KLC4: variants seen among roughly 807,000 people sequenced by gnomAD.
KLC4 encodes kinesin-like protein 8.
A neutral mutation model predicts 77.2 loss-of-function variants in KLC4; 49 were observed. The observed-to-expected ratio is 0.63, with a 90% CI of 0.50 to 0.80. The LOEUF is 0.80. Ranked by LOEUF, KLC4 falls within the 30% of genes least tolerant of loss-of-function variation. The pLI is 0.00. For synonymous variants in KLC4, 274 were observed against 314.5 expected, an observed-to-expected ratio of 0.87 and a Z score of 1.36; for missense variants, 669 against 793.5, an observed-to-expected ratio of 0.84 and a Z score of 1.89.
At chr6:43,059,921 A>G in intron 1 of KLC4, 1 of 1,270,464 alleles carries the variant, frequency 7.9e-7, no homozygotes, top group East Asian at 3.9e-5. Context: ...TTAGGCCTCC[A>G]CGTCCTCGCT....
chr6:43,071,371 G>A lies in KLC4; in HGVS notation c.1252G>A (p.Asp418Asn). ...RAHVQEFGSV[D>N]DDHKPIWMHA... ...CCATGTACAGGAGTTTGGGTCTGTGGATGGTGAGTGGTGAGGGCCTGGGGA... is the reference window on the plus strand; with the variant it reads ...CCATGTACAGGAGTTTGGGTCTGTGAATGGTGAGTGGTGAGGGCCTGGGGA... Residue 418 changes from aspartate (D) to asparagine (N), a missense_variant, in exon 9 of 16, where the codon GAT becomes AAT. Transcript: ENST00000347162. 2 of 1,610,084 alleles carry A rather than the reference G, an allele frequency of 1.2e-6. No homozygotes were observed. The highest frequency in any genetic ancestry group is 1.7e-6 in the Non-Finnish European group (2 of 1,176,376).
chr6:43,071,633 A>C lies in KLC4; in HGVS notation c.1308+14A>C. On this transcript the variant is annotated intron_variant, in intron 10 of 15. Transcript: ENST00000347162. ...GAAATGAGCAAAGTGAGTGGGGGGA[A>C]GGGGGGCCAGCCTGGGGAGCTCAAG... The C allele has an allele frequency of 6.2e-7, 1 of 1,612,664 alleles. No homozygotes were observed. Among genetic ancestry groups the C allele is most frequent in the East Asian group, 2.2e-5 (1 of 44,866 alleles).
In KLC4 at chr6:43,068,285, A is replaced by G. The variant is rs181967463; in HGVS notation, c.879+1202A>G. ...TCAGGAGTTCAAGACCATCCTGGCC[A>G]ACATGGTGAAACCCCGTCTCTACTA... On this transcript the variant is annotated intron_variant, in intron 6 of 15. Coordinates refer to ENST00000347162, the MANE Select transcript of KLC4 (RefSeq NM_201521.3). Among the ~76,000 whole-genome samples, 301 of 151,210 alleles carry G rather than the reference A, an allele frequency of 2.0e-3. 1 individual carries two copies. Among genetic ancestry groups the G allele is most frequent in the Non-Finnish European group, 3.0e-3 (202 of 67,868 alleles).
chr6:43,070,862 C>T lies in KLC4; in HGVS notation c.1152C>T (p.Asn384=). 6.3e-7 allele frequency: 1 copy of T among 1,591,594 alleles called. No individual in the cohort carries two copies. Among genetic ancestry groups the T allele is most frequent in the South Asian group, 1.1e-5 (1 of 90,204 alleles). The change falls in exon 8 of 16, where the codon AAC becomes AAT. Residue 384 remains asparagine, a synonymous_variant. Coordinates refer to ENST00000347162, the MANE Select transcript of KLC4 (RefSeq NM_201521.3). The part of the protein sequence containing the change: ...DNPNVARTKN[N]LASCYLKQGK... Reference sequence around the variant, plus strand: ...CTAATGTAGCCCGGACCAAGAACAACCTGGTATGGGAGGAGGGACAAAGTA... The same window carrying T: ...CTAATGTAGCCCGGACCAAGAACAATCTGGTATGGGAGGAGGGACAAAGTA...
intron 3 of KLC4, among the ~76,000 whole-genome samples, chr6:43,065,045 G>A (rs1209387876): frequency 6.6e-6 from 1 of 152,106 alleles, no homozygotes; most frequent in African/African-American, 2.4e-5. Flanking sequence ...AGGCAAGATT[G>A]AGGGTGGTTA....
At chr6:43,074,135 A>G (rs1439446732) in intron 15 of KLC4, among the ~76,000 whole-genome samples, 170 bp downstream of exon 15, 1 of 152,208 alleles carries the variant, frequency 6.6e-6, no homozygotes, top group Non-Finnish European at 1.5e-5. Flanking sequence ...GTGAGTGCTG[A>G]CCACCAAGGG....
At chr6:43,060,261 A>C (rs1472465426) in intron 1 of KLC4, 15 of 1,614,012 alleles carry the variant, frequency 9.3e-6, no homozygotes, top group Non-Finnish European at 1.2e-5. Context: ...CCCCTTTCCC[A>C]GACACGCCTC....
intron 8 of KLC4, among the ~76,000 whole-genome samples, 163 bp from the exon 9 acceptor site, chr6:43,071,112 C>A (rs980957351): frequency 6.6e-6 from 1 of 151,070 alleles, no homozygotes; most frequent in African/African-American, 2.4e-5. Context: ...GACCCTACAC[C>A]TGGAGAAGGA....
In KLC4 at chr6:43,063,125, A is replaced by G. The variant is rs747612483; in HGVS notation, c.467A>G (p.Tyr156Cys). The change falls in exon 3 of 16, where the codon TAT becomes TGT. Residue 156 changes from tyrosine to cysteine, a missense_variant. By Grantham distance (194) the Tyr-to-Cys change is radical. Coordinates refer to ENST00000347162, the MANE Select transcript of KLC4 (RefSeq NM_201521.3). ...HLEFLGQLRQ[Y>C]DEDGHTSEEK... is the part of the protein sequence containing the mutation. ...GAGTTCCTGGGGCAGCTGCGGCAGT[A>G]TGATGAGGATGGACATACCTCGGTG... 4 of 1,613,732 alleles carry G rather than the reference A, an allele frequency of 2.5e-6. No individual in the cohort carries two copies. The Admixed American group carries it at 5.0e-5, about 20-fold the overall frequency.
In KLC4 at chr6:43,073,275, TG is replaced by T; in HGVS notation, c.1683del (p.Leu562SerfsTer9). 6.2e-7 allele frequency: 1 copy of T among 1,614,148 alleles called. No homozygotes were observed. The highest frequency in any genetic ancestry group is 8.5e-7 in the Non-Finnish European group (1 of 1,180,022). On this transcript the variant is annotated frameshift_variant, in exon 14 of 16. Coordinates refer to ENST00000347162, the MANE Select transcript of KLC4 (RefSeq NM_201521.3). LOFTEE classifies it high-confidence loss of function. ...RSGSLGKIRD[V>X]LRRSSELLVR... ...GGCTCTCTTGGCAAGATCCGGGATG[TG>T]CTCCGCAGAAGCAGTGAACTCTTGG...
At chr6:43,069,155 A>G (rs1270371280) in intron 6 of KLC4, among the ~76,000 whole-genome samples, 1 of 152,148 alleles carries the variant, frequency 6.6e-6, no homozygotes, top group African/African-American at 2.4e-5. Context: ...AAAGAGAGAA[A>G]CAACCTTAAG....
Position 43,070,469 on chromosome 6 carries a change from C to G in KLC4, c.981+14C>G, listed in dbSNP as rs1222227029. 1 of 1,582,096 alleles carries G rather than the reference C, an allele frequency of 6.3e-7. No individual in the cohort carries two copies. The highest frequency in any genetic ancestry group is 1.1e-5 in the South Asian group (1 of 90,364). On this transcript the variant is annotated intron_variant, in intron 7 of 15. Transcript: ENST00000347162. ...ATTCGAGAAAAGGTACCCATGCCCT[C>G]TCTCCCTTCTTCTCTTGTCGCTGTG...
chr6:43,067,059 C>T lies in KLC4; in HGVS notation c.855C>T (p.Ser285=). The T allele has an allele frequency of 6.2e-7, 1 of 1,614,062 alleles. No individual in the cohort carries two copies. The highest frequency in any genetic ancestry group is 8.5e-7 in the Non-Finnish European group (1 of 1,179,966). Residue 285 remains serine (S), a synonymous_variant, in exon 6 of 16, where the codon AGC becomes AGT. Coordinates refer to ENST00000347162, the MANE Select transcript of KLC4 (RefSeq NM_201521.3). ...LLNDALSIRE[S]TLGPDHPAVA... ...ATGATGCCCTTAGCATCCGGGAGAG[C>T]ACCTTGGGACCTGACCATCCTGCTG... is the stretch of plus-strand genomic sequence containing the variant.
chr6:43,072,982 C>A lies in KLC4; in HGVS notation c.1629+18C>A. 1 of 1,569,618 alleles carries A rather than the reference C, an allele frequency of 6.4e-7. No individual in the cohort carries two copies. The highest frequency in any genetic ancestry group is 1.2e-5 in the South Asian group (1 of 82,508). ...GGTCCGGGGTAAGTCTGATCATTGC[C>A]TTTTCATCTCTCCTGCCCACTCCTG... On this transcript the variant is annotated intron_variant, in intron 13 of 15. Transcript: ENST00000347162.
chr6:43,074,560 T>C (rs1765886860), intron 15 of KLC4, 62 bp from the exon 16 acceptor site: 1 of 1,389,732 alleles, frequency 7.2e-7, no homozygotes, highest in Non-Finnish European at 1.0e-6. Context: ...GGATGGACTC[T>C]AGGAGCCAGT....
At chr6:43,073,123 T>C in intron 13 of KLC4, 100 bp from the exon 14 acceptor site, 1 of 1,300,982 alleles carries the variant, frequency 7.7e-7, no homozygotes, top group East Asian at 2.4e-5. Context: ...CACTGGGCCT[T>C]GGGGGTGGGG....
chr6:43,067,379 T>G (rs1243212807), intron 6 of KLC4: 1 of 467,798 alleles, frequency 2.1e-6, no homozygotes, highest in Non-Finnish European at 3.5e-6. Context: ...CTAATAAATA[T>G]AAAAGAAAAA....
rs1295703762 is a variant in KLC4, at chr6:43,073,221, A to G, written c.1630-2A>G. On this transcript the variant is annotated splice_acceptor_variant, in intron 13 of 15. Coordinates refer to ENST00000347162, the MANE Select transcript of KLC4 (RefSeq NM_201521.3). LOFTEE classifies it high-confidence loss of function. ...CTTTCATTGCTCACTCCTTTCTGCC[A>G]GGATGGCAGTGGGACCCTGCAGAGG... is the stretch of plus-strand genomic sequence containing the variant. The G allele has an allele frequency of 6.2e-7, 1 of 1,612,328 alleles. No individual in the cohort carries two copies.
intron 3 of KLC4, among the ~76,000 whole-genome samples, chr6:43,064,281 C>G (rs1280296400): frequency 6.6e-6 from 1 of 152,204 alleles, no homozygotes; most frequent in Non-Finnish European, 1.5e-5. Flanking sequence ...AGAGAAATGT[C>G]TCTGAGGGCT....
Sources: gnomAD v4.1 joint callset for allele counts (sites outside exome capture counted in the v4.1 genomes callset) on GRCh38, gnomAD v4.1.1 for gene constraint, MANE v1.5 for transcripts, NCBI Gene and HGNC (gene_info 2026-07-23, HGNC 2026-07-21) for gene names.